TTLL11: variants seen among roughly 807,000 people sequenced by gnomAD.
TTLL11 encodes tubulin tyrosine ligase like 11, also known as tubulin polyglutamylase TTLL11.
Under a neutral mutation model 51.7 loss-of-function variants are expected in TTLL11, and 42 were observed. The observed-to-expected ratio is 0.81, with a 90% confidence interval of 0.64 to 1.05. The LOEUF (loss-of-function observed/expected upper bound fraction) is 1.05. Ranked by LOEUF, TTLL11 falls within the 50% of genes least tolerant of loss-of-function variation. The probability of loss-of-function intolerance (pLI) is 0.00; values close to 1 mark genes in which losing one functional copy is unlikely to be tolerated. For synonymous variants in TTLL11, 381 were observed against 383.5 expected, an observed-to-expected ratio of 0.99 and a Z score of 0.08; for missense variants, 799 against 940.4, an observed-to-expected ratio of 0.85 and a Z score of 1.97.
intron 3 of TTLL11, among the ~76,000 whole-genome samples, chr9:122,029,823 T>C (rs1437455948): frequency 6.6e-6 from 1 of 152,180 alleles, no homozygotes; most frequent in Admixed American, 6.5e-5. Flanking sequence ...CCAGAGCAAC[T>C]TCTAGTCCTG....
intron 2 of TTLL11, among the ~76,000 whole-genome samples, chr9:122,035,224 C>T (rs1423827800): frequency 6.6e-6 from 1 of 152,188 alleles, no homozygotes; most frequent in Non-Finnish European, 1.5e-5. Context: ...TGGGGTCCTG[C>T]TACCTAACAG....
At chr9:122,068,854 C>T (rs1845660789) in intron 1 of TTLL11, among the ~76,000 whole-genome samples, 1 of 152,238 alleles carries the variant, frequency 6.6e-6, no homozygotes, top group Non-Finnish European at 1.5e-5. Context: ...TGACATGCAC[C>T]ACTTCCTGGG....
chr9:121,997,832 G>T (rs970607057), intron 3 of TTLL11, among the ~76,000 whole-genome samples: 1 of 152,058 alleles, frequency 6.6e-6, no homozygotes, highest in Non-Finnish European at 1.5e-5. Flanking sequence ...CTCGCCCATG[G>T]GTGGCTGGGA....
At chr9:122,043,389 A>C (rs951721765) in intron 1 of TTLL11, among the ~76,000 whole-genome samples, 8 of 152,216 alleles carry the variant, frequency 5.3e-5, no homozygotes, top group African/African-American at 1.9e-4. Context: ...TTCAATAGGG[A>C]AAGGGCAGTC....
chr9:121,873,938 G>A (rs1588085782), intron 6 of TTLL11, among the ~76,000 whole-genome samples: 1 of 146,302 alleles, frequency 6.8e-6, no homozygotes, highest in African/African-American at 2.6e-5. Context: ...TCTGCCTCCT[G>A]GGTTCAAGTG....
At chr9:122,026,686 C>T (rs1164439900) in intron 3 of TTLL11, among the ~76,000 whole-genome samples, 2 of 152,046 alleles carry the variant, frequency 1.3e-5, no homozygotes, top group Non-Finnish European at 2.9e-5. Context: ...AAAATATCTC[C>T]TTACTAGACA....
chr9:121,919,385 A>C (rs113096831), intron 6 of TTLL11, among the ~76,000 whole-genome samples: 1,543 of 152,318 alleles, frequency 0.01, 29 homozygotes, highest in African/African-American at 0.035. Flanking sequence ...GTAGACATAG[A>C]TAAAATGCCT....
intron 8 of TTLL11, among the ~76,000 whole-genome samples, chr9:121,824,391 G>C (rs1188425415): frequency 6.7e-6 from 1 of 149,382 alleles, no homozygotes; most frequent in Non-Finnish European, 1.5e-5. Flanking sequence ...AGGGGGAAAC[G>C]CTTGAACCAG....
At chr9:121,878,340 C>T (rs530285930) in intron 6 of TTLL11, among the ~76,000 whole-genome samples, 1 of 152,334 alleles carries the variant, frequency 6.6e-6, no homozygotes, top group South Asian at 2.1e-4. Flanking sequence ...CAGTGCTCAT[C>T]TGGCTGCTTC....
chr9:121,892,416 G>A (rs1001294808), intron 6 of TTLL11, among the ~76,000 whole-genome samples: 1 of 152,062 alleles, frequency 6.6e-6, no homozygotes, highest in Non-Finnish European at 1.5e-5. Flanking sequence ...CACTTCTTAA[G>A]TGGTGGCAAG....
chr9:122,054,226 G>C (rs376898784), intron 1 of TTLL11, among the ~76,000 whole-genome samples: 11 of 151,882 alleles, frequency 7.2e-5, no homozygotes, highest in African/African-American at 2.7e-4. Context: ...CCTTGCTTCC[G>C]CTTGTGATTG....
At chr9:121,999,022 C>T (rs1843378713) in intron 3 of TTLL11, among the ~76,000 whole-genome samples, 2 of 152,218 alleles carry the variant, frequency 1.3e-5, no homozygotes, top group Admixed American at 6.5e-5. Flanking sequence ...GAGTTAACTA[C>T]ACTGCTAACT....
chr9:121,973,279 GC>G (rs1400537676), intron 6 of TTLL11, among the ~76,000 whole-genome samples: 1 of 152,130 alleles, frequency 6.6e-6, no homozygotes, highest in Non-Finnish European at 1.5e-5. Context: ...CATTAAATTG[GC>G]CCTGCCAATT....
rs187584337 is a variant in TTLL11 at position 121,820,713 on chromosome 9, G to A, written c.*1874C>T. Reference sequence around the variant, plus strand: ...GCCCTACTACCTGGGGAACTGAGCCGATGACACCTCCACAGTGCCCCATGT... The same window carrying A: ...GCCCTACTACCTGGGGAACTGAGCCAATGACACCTCCACAGTGCCCCATGT... On this transcript the variant is annotated 3_prime_UTR_variant, in exon 9 of 9. Transcript: ENST00000321582. Among the ~76,000 whole-genome samples, 1 of 152,012 alleles carries A rather than the reference G, an allele frequency of 6.6e-6. No homozygotes were observed. Among genetic ancestry groups the A allele is most frequent in the East Asian group, 1.9e-4 (1 of 5,146 alleles).
intron 6 of TTLL11, among the ~76,000 whole-genome samples, chr9:121,950,432 T>G (rs769172867): frequency 1.3e-5 from 2 of 152,116 alleles, no homozygotes; most frequent in Non-Finnish European, 2.9e-5. Context: ...TCCCAAAGCC[T>G]GACAAAGGGC....
At chr9:122,088,253 T>C (rs758604773) in intron 1 of TTLL11, among the ~76,000 whole-genome samples, 1 of 152,252 alleles carries the variant, frequency 6.6e-6, no homozygotes, top group Non-Finnish European at 1.5e-5. Flanking sequence ...TGGTCCATAC[T>C]GCCTGCCTTG....
chr9:121,870,947 C>T (rs1838336593), intron 6 of TTLL11, among the ~76,000 whole-genome samples, 199 bp from the exon 7 acceptor site: 1 of 152,044 alleles, frequency 6.6e-6, no homozygotes, highest in Admixed American at 6.5e-5. Context: ...AAGGCAGAGC[C>T]ACGGCTAGAA....
chr9:121,875,909 T>C (rs985278652), intron 6 of TTLL11, among the ~76,000 whole-genome samples: 21 of 152,242 alleles, frequency 1.4e-4, no homozygotes, highest in African/African-American at 4.6e-4. Context: ...TCATTTTTCA[T>C]TGAAACTTGT....
At chr9:121,952,820 G>A (rs1237607811) in intron 6 of TTLL11, among the ~76,000 whole-genome samples, 2 of 152,144 alleles carry the variant, frequency 1.3e-5, no homozygotes, top group African/African-American at 4.8e-5. Flanking sequence ...CCTGAGTCAA[G>A]CTCCGGATTC....
Sources: gnomAD v4.1 joint callset for allele counts (sites outside exome capture counted in the v4.1 genomes callset) on GRCh38, gnomAD v4.1.1 for gene constraint, MANE v1.5 for transcripts, NCBI Gene and HGNC (gene_info 2026-07-23, HGNC 2026-07-21) for gene names.